RELCH: variants seen among roughly 807,000 people sequenced by gnomAD.
RELCH encodes RAB11-binding protein RELCH.
Under a neutral mutation model 150.3 loss-of-function variants are expected in RELCH, and 41 were observed. The ratio of observed to expected loss-of-function variants is 0.27; its 90% CI spans 0.21 to 0.35. The LOEUF (loss-of-function observed/expected upper bound fraction) is 0.35. RELCH is among the 10% of genes least tolerant of loss of function. RELCH has a pLI of 1.00. For synonymous variants in RELCH, 478 were observed against 531.8 expected (o/e 0.90, Z 1.39); for missense variants, 1,092 against 1,467.8 (o/e 0.74, Z 4.18).
In RELCH at chr18:62,223,471, C is replaced by T. The variant is rs143863582; in HGVS notation, c.858+1974C>T. Among the ~76,000 whole-genome samples, 4 of 152,082 alleles carry T rather than the reference C, an allele frequency of 2.6e-5. No individual in the cohort carries two copies. The East Asian group carries it at 7.7e-4, about 29-fold the overall frequency. ...AAAAATACTACTACCAAGAAAACTC[C>T]AGGTCTGGATGGCTTCACTTGCAAA... On this transcript the variant is annotated intron_variant, in intron 5 of 28. Coordinates refer to ENST00000644646, the MANE Select transcript of RELCH (RefSeq NM_001346231.2).
At chr18:62,294,500 T>C (rs988345684) in intron 27 of RELCH, among the ~76,000 whole-genome samples, 1 of 152,192 alleles carries the variant, frequency 6.6e-6, no homozygotes, top group African/African-American at 2.4e-5. Context: ...TTAAAGTCTA[T>C]TTAGGTTTTC....
At chr18:62,262,126 T>A (rs2043304134) in intron 16 of RELCH, among the ~76,000 whole-genome samples, 1 of 152,058 alleles carries the variant, frequency 6.6e-6, no homozygotes, top group African/African-American at 2.4e-5. Context: ...GAAAGAAATA[T>A]AAAAGCATCT....
intron 20 of RELCH, among the ~76,000 whole-genome samples, chr18:62,269,938 T>C (rs557046975): frequency 3.3e-5 from 5 of 152,294 alleles, no homozygotes; most frequent in African/African-American, 1.2e-4. Context: ...GTACTTTATT[T>C]TTCTTAATTG....
rs1226994382 is a variant in RELCH, at chr18:62,193,586, T to C, written c.526+5555T>C. ...TTTTTAACATAAAGGAATGTTGAAT[T>C]TTATCAAAGGCCTTTTCTGTATCTA... is the stretch of plus-strand genomic sequence containing the variant. On this transcript the variant is annotated intron_variant, in intron 1 of 28. Coordinates refer to ENST00000644646, the MANE Select transcript of RELCH (RefSeq NM_001346231.2). 2.0e-5 allele frequency among the ~76,000 whole-genome samples: 3 copies of C among 152,216 alleles called. No individual in the cohort carries two copies. The East Asian group carries it at 5.8e-4, about 29-fold the overall frequency.
chr18:62,214,926 G>C (rs28611221), intron 2 of RELCH, among the ~76,000 whole-genome samples: 1,777 of 152,220 alleles, frequency 0.012, 26 homozygotes, highest in East Asian at 0.052. Context: ...AGGAGGGACA[G>C]CCTGAAAGAG....
At chr18:62,267,434 A>ATGTGTGTG (rs145946546) in intron 19 of RELCH, among the ~76,000 whole-genome samples, 5,193 of 143,436 alleles carry the variant, frequency 0.036, 158 homozygotes, top group East Asian at 0.12. Flanking sequence ...GTATATATGT[A>ATGTGTGTG]TGTGTGTGTG....
chr18:62,219,913 T>G (rs895117256), intron 2 of RELCH, among the ~76,000 whole-genome samples: 2 of 152,080 alleles, frequency 1.3e-5, no homozygotes, highest in African/African-American at 2.4e-5. Context: ...TATTAGTCAG[T>G]TAGGAAAAAA....
Position 62,252,713 on chromosome 18 carries a change from A to G in RELCH, c.1783A>G (p.Thr595Ala). The G allele has an allele frequency of 1.9e-6, 3 of 1,614,090 alleles. No individual in the cohort carries two copies. In the East Asian group the frequency reaches 6.7e-5, roughly 36 times the overall value. The change falls in exon 12 of 29, where the codon ACA becomes GCA. Residue 595 changes from threonine (T) to alanine (A), a missense_variant. Physicochemically the swap from Thr to Ala is moderately conservative, Grantham distance 58. Coordinates refer to ENST00000644646, the MANE Select transcript of RELCH (RefSeq NM_001346231.2). ...GGCATTTGCGCGTCATGTTGGACCAACACGTGTAGAAGCTGAACTTTTACC... is the reference window on the plus strand; with the variant it reads ...GGCATTTGCGCGTCATGTTGGACCAGCACGTGTAGAAGCTGAACTTTTACC... ...CVAFARHVGP[T>A]RVEAELLPQC...
chr18:62,189,140 C>T (rs1010998899), intron 1 of RELCH, among the ~76,000 whole-genome samples: 2 of 152,026 alleles, frequency 1.3e-5, no homozygotes, highest in African/African-American at 4.8e-5. Context: ...AATTTCCTTA[C>T]CCAATATGTA....
At chr18:62,248,395 T>A (rs2042529454) in intron 11 of RELCH, among the ~76,000 whole-genome samples, 1 of 152,200 alleles carries the variant, frequency 6.6e-6, no homozygotes, top group South Asian at 2.1e-4. Flanking sequence ...ATTATGAAAG[T>A]CTTTGAAGTT....
rs377119786 is a variant in RELCH, at chr18:62,260,193, C to CAAAAAAAAAAAAA, written c.2203-1306_2203-1305insAAAAAAAAAAAAA. Among the ~76,000 whole-genome samples, 116 of 95,738 alleles carry CAAAAAAAAAAAAA rather than the reference C, an allele frequency of 1.2e-3. 7 individuals carry two copies. Among genetic ancestry groups the CAAAAAAAAAAAAA allele is most frequent in the African/African-American group, 2.9e-3 (70 of 24,230 alleles). The allele number at this position is 95,738 out of a possible 152,430, so 62.8% of individuals were successfully genotyped here. A position where few individuals can be genotyped will look rare whatever the true frequency, so the allele number is the denominator to read the frequency against. Reference sequence around the variant, plus strand: ...TGTAAGGATTCAAACAACTCAACAGCAAAAAAAAAAAATCCAATTAAGGAA... The same window carrying CAAAAAAAAAAAAA: ...TGTAAGGATTCAAACAACTCAACAGCAAAAAAAAAAAAAAAAAAAAAAAAATCCAATTAAGGAA... On this transcript the variant is annotated intron_variant, in intron 15 of 28. Coordinates refer to ENST00000644646, the MANE Select transcript of RELCH (RefSeq NM_001346231.2).
rs1266660125 is a variant in RELCH, at chr18:62,221,368, C to T, written c.745-16C>T. 6.4e-7 allele frequency: 1 copy of T among 1,564,950 alleles called. No homozygotes were observed. The highest frequency in any genetic ancestry group is 1.7e-5 in the Admixed American group (1 of 59,652). Reference sequence around the variant, plus strand: ...AATACTTATGATTTCCTGTTTGCCTCTTATTTTGCTTCCAGGAGCCAATCA... The same window carrying T: ...AATACTTATGATTTCCTGTTTGCCTTTTATTTTGCTTCCAGGAGCCAATCA... On this transcript the variant is annotated splice_polypyrimidine_tract_variant and intron_variant, in intron 4 of 28. Coordinates refer to ENST00000644646, the MANE Select transcript of RELCH (RefSeq NM_001346231.2).
intron 28 of RELCH, among the ~76,000 whole-genome samples, chr18:62,299,670 A>G (rs181199981): frequency 7.2e-4 from 109 of 152,312 alleles, no homozygotes; most frequent in Non-Finnish European, 1.3e-4. Context: ...CAATAGACAC[A>G]TTCACATCTT....
At chr18:62,190,725 C>A (rs961315047) in intron 1 of RELCH, among the ~76,000 whole-genome samples, 4 of 152,158 alleles carry the variant, frequency 2.6e-5, no homozygotes, top group Non-Finnish European at 5.9e-5. Context: ...TGGGTACTTT[C>A]AACATTTTGG....
At chr18:62,287,285 A>T in intron 25 of RELCH, 66 bp from the exon 26 acceptor site, 1 of 755,578 alleles carries the variant, frequency 1.3e-6, no homozygotes, top group East Asian at 2.6e-5. Context: ...AATTATTGTT[A>T]AAGTGTGTCA....
In RELCH at chr18:62,227,681, A is replaced by G. The variant is rs1264315379; in HGVS notation, c.1146A>G (p.Arg382=). 6.6e-7 allele frequency: 1 copy of G among 1,510,076 alleles called. No homozygotes were observed. Among genetic ancestry groups the G allele is most frequent in the Non-Finnish European group, 9.1e-7 (1 of 1,097,172 alleles). The allele number at this position is 1,510,076 out of a possible 1,614,324, so 93.5% of individuals were successfully genotyped here. ...EKWSLMEQIR[R]LKSEMDFLKN... is the part of the protein sequence containing the mutation. The stretch of plus-strand genomic sequence containing the variant: ...GGTCATTGATGGAGCAAATCAGAAG[A>G]CTTAAAAGGTTAGTACTTGATCATT... The change falls in exon 7 of 29, where the codon AGA becomes AGG. Residue 382 remains arginine, a synonymous_variant. Coordinates refer to ENST00000644646, the MANE Select transcript of RELCH (RefSeq NM_001346231.2).
Position 62,264,844 on chromosome 18 carries a change from A to G in RELCH, c.2623A>G (p.Asn875Asp), listed in dbSNP as rs2043462928. The G allele has an allele frequency of 1.9e-6, 3 of 1,607,900 alleles. No homozygotes were observed. The highest frequency in any genetic ancestry group is 1.7e-6 in the Non-Finnish European group (2 of 1,177,290). Residue 875 changes from asparagine (N) to aspartate (D), a missense_variant, in exon 18 of 29, where the codon AAC (asparagine) becomes GAC (aspartate). Asn to Asp is a conservative substitution (Grantham distance 23, BLOSUM62 1). This residue lies in a region of RELCH where 707 missense variants were observed against 1,025.4 expected (regional missense o/e 0.69). Transcript: ENST00000644646. The part of the protein sequence containing the change: ...LCRTFGKIFT[N>D]TKVKPQFQEI... ...CCGGACATTTGGCAAAATTTTTACA[A>G]ACACTAAGGTAAAAACTTGTATTCC...
At chr18:62,208,587 A>G (rs1271482867) in intron 1 of RELCH, among the ~76,000 whole-genome samples, 2 of 151,994 alleles carry the variant, frequency 1.3e-5, no homozygotes, top group Non-Finnish European at 2.9e-5. Flanking sequence ...GATTTGTTGT[A>G]CAGATTAATT....
At chr18:62,272,707 TGA>T (rs1289583278) in intron 20 of RELCH, among the ~76,000 whole-genome samples, 1 of 152,078 alleles carries the variant, frequency 6.6e-6, no homozygotes, top group African/African-American at 2.4e-5. Flanking sequence ...TTACTTGTTT[TGA>T]GAGTCCAAAA....
Sources: allele counts gnomAD v4.1 joint callset (sites outside exome capture counted in the v4.1 genomes callset), GRCh38; gene constraint gnomAD v4.1.1; regional missense constraint gnomAD v4.1.1; transcripts MANE v1.5; gene names NCBI Gene and HGNC (gene_info 2026-07-23, HGNC 2026-07-21).